XRRA1: variants seen among roughly 807,000 people sequenced by gnomAD.
XRRA1 encodes the protein X-ray radiation resistance associated 1.
XRRA1 carries 69 observed loss-of-function variants against 80.2 expected under a neutral mutation model. The observed-to-expected ratio is 0.86, with a 90% CI of 0.71 to 1.05. The LOEUF (loss-of-function observed/expected upper bound fraction) is 1.05, where lower values mean the gene tolerates loss of function less well. Among genes scored for constraint, XRRA1 ranks in the 50% least tolerant of loss-of-function variants. The pLI, the probability that XRRA1 is intolerant of heterozygous loss-of-function variation, is 0.00. For missense variants in XRRA1, 967 were observed against 976.4 expected (o/e 0.99, Z 0.13); for synonymous variants, 348 against 389.9 (o/e 0.89, Z 1.27).
At chr11:74,876,980 G>A (rs1192570569) in intron 10 of XRRA1, 4 of 152,166 alleles carry the variant, frequency 2.6e-5, no homozygotes, top group Non-Finnish European at 4.4e-5. Context: ...AATTCTTGGT[G>A]AGTAAAATTT....
At chr11:74,947,899 A>G (rs1387695813) in intron 1 of XRRA1, among the ~76,000 whole-genome samples, 1 of 151,960 alleles carries the variant, frequency 6.6e-6, no homozygotes, top group Non-Finnish European at 1.5e-5. Context: ...TCATTTTTGT[A>G]TTTTTAGTAG....
intron 10 of XRRA1, among the ~76,000 whole-genome samples, chr11:74,872,721 G>A (rs978908903): frequency 3.9e-5 from 6 of 152,134 alleles, no homozygotes; most frequent in African/African-American, 1.2e-4. Context: ...GTTGGGTCCT[G>A]GGGTTCAGAC....
chr11:74,905,582 G>A (rs1192009356), intron 10 of XRRA1, among the ~76,000 whole-genome samples: 1 of 152,138 alleles, frequency 6.6e-6, no homozygotes, highest in African/African-American at 2.4e-5. Flanking sequence ...TGCTTCCTGT[G>A]AATGCCACTG....
At chr11:74,883,658 C>G (rs1341646928) in intron 10 of XRRA1, among the ~76,000 whole-genome samples, 1 of 151,640 alleles carries the variant, frequency 6.6e-6, no homozygotes, top group Admixed American at 6.6e-5. Context: ...CATGGACATG[C>G]CTTTCTTCCA....
intron 10 of XRRA1, among the ~76,000 whole-genome samples, chr11:74,889,991 A>G (rs1364868522): frequency 6.6e-6 from 1 of 152,216 alleles, no homozygotes; most frequent in Non-Finnish European, 1.5e-5. Flanking sequence ...AAACAGATCA[A>G]TGAGACAGAA....
At chr11:74,901,827 T>C (rs957430698) in intron 10 of XRRA1, among the ~76,000 whole-genome samples, 3 of 152,178 alleles carry the variant, frequency 2.0e-5, no homozygotes, top group East Asian at 1.9e-4. Flanking sequence ...CAAGAAAACA[T>C]TGAGGAAACT....
intron 12 of XRRA1, among the ~76,000 whole-genome samples, chr11:74,857,561 G>A (rs764476608): frequency 9.2e-5 from 14 of 152,158 alleles, no homozygotes; most frequent in Non-Finnish European, 1.9e-4. Flanking sequence ...GTGATTGATA[G>A]AACAACTATA....
intron 8 of XRRA1, among the ~76,000 whole-genome samples, chr11:74,909,320 T>C (rs996905207): frequency 2.0e-5 from 3 of 152,226 alleles, no homozygotes; most frequent in Non-Finnish European, 2.9e-5. Flanking sequence ...CTTTCATACA[T>C]TGAATTTTTA....
intron 11 of XRRA1, among the ~76,000 whole-genome samples, chr11:74,861,544 C>T (rs900769877): frequency 6.9e-6 from 1 of 144,456 alleles, no homozygotes; most frequent in Non-Finnish European, 1.5e-5. Flanking sequence ...AAGCTCAAGG[C>T]TCCCACTGAT....
chr11:74,912,368 T>TTTTGGAAAGCCAAAGG (rs2056114703), intron 8 of XRRA1, among the ~76,000 whole-genome samples: 2 of 152,172 alleles, frequency 1.3e-5, no homozygotes, highest in Non-Finnish European at 2.9e-5. Flanking sequence ...AAGGGGTTCA[T>TTTTGGAAAGCCAAAGG]GCAACACTTT....
At chr11:74,871,856 C>T (rs2044857752) in intron 10 of XRRA1, among the ~76,000 whole-genome samples, 2 of 152,248 alleles carry the variant, frequency 1.3e-5, no homozygotes, top group South Asian at 4.1e-4. Flanking sequence ...CAAAATTTAA[C>T]TCAGGTGTTT....
At position 74,841,472 on chromosome 11, in the gene XRRA1, G is replaced by A. The variant is rs2036534169; in HGVS notation, c.*1728C>T. 1 of 152,128 alleles carries A rather than the reference G, an allele frequency of 6.6e-6. No individual in the cohort carries two copies. The highest frequency in any genetic ancestry group is 2.1e-4 in the South Asian group (1 of 4,830). The allele number at this position is 152,128 out of a possible 1,614,324, so 9.4% of individuals were successfully genotyped here. A position where few individuals can be genotyped will look rare whatever the true frequency, so the allele number is the denominator to read the frequency against. ...CACCAGTTTAGAGATCAGTCAAATT[G>A]GAAAAAGTGCCAAGACTGGATGTGC... On this transcript the variant is annotated 3_prime_UTR_variant, in exon 19 of 19. Coordinates refer to ENST00000684022, the MANE Select transcript of XRRA1 (RefSeq NM_001378157.1).
At chr11:74,880,776 G>C (rs1319375525) in intron 10 of XRRA1, among the ~76,000 whole-genome samples, 1 of 151,442 alleles carries the variant, frequency 6.6e-6, no homozygotes, top group Non-Finnish European at 1.5e-5. Flanking sequence ...GCGGTTTTGA[G>C]TGAGATTCTT....
At chr11:74,942,182 G>T (rs572989578) in intron 2 of XRRA1, among the ~76,000 whole-genome samples, 11 of 152,242 alleles carry the variant, frequency 7.2e-5, no homozygotes, top group African/African-American at 1.9e-4. Context: ...GGAGAACCGG[G>T]GGGTGGAGAG....
intron 2 of XRRA1, among the ~76,000 whole-genome samples, chr11:74,942,751 A>C (rs552513126): frequency 2.4e-4 from 36 of 152,352 alleles, no homozygotes; most frequent in Non-Finnish European, 4.1e-4. Flanking sequence ...CCTACTTCAT[A>C]GGGCTGTTTT....
At chr11:74,883,102 C>T (rs1331950336) in intron 10 of XRRA1, among the ~76,000 whole-genome samples, 2 of 152,190 alleles carry the variant, frequency 1.3e-5, no homozygotes, top group Non-Finnish European at 2.9e-5. Context: ...GGGCGCCCCT[C>T]CCCCAGCCTC....
chr11:74,862,259 G>C (rs2135955632), intron 11 of XRRA1, among the ~76,000 whole-genome samples: 1 of 151,886 alleles, frequency 6.6e-6, no homozygotes, highest in African/African-American at 2.4e-5. Flanking sequence ...GGAGCCAGTG[G>C]AATCACTTCG....
chr11:74,860,198 C>G (rs2135886306), intron 11 of XRRA1, among the ~76,000 whole-genome samples: 1 of 152,302 alleles, frequency 6.6e-6, no homozygotes, highest in East Asian at 1.9e-4. Flanking sequence ...CTTGTAAAAC[C>G]ACACAAGTGG....
intron 10 of XRRA1, among the ~76,000 whole-genome samples, chr11:74,893,942 C>G (rs1276839515): frequency 6.6e-6 from 1 of 152,188 alleles, no homozygotes; most frequent in African/African-American, 2.4e-5. Flanking sequence ...AAGATATATG[C>G]ACATGTATGT....
Sources: allele counts gnomAD v4.1 joint callset (sites outside exome capture counted in the v4.1 genomes callset), GRCh38; gene constraint gnomAD v4.1.1; transcripts MANE v1.5; gene names NCBI Gene and HGNC (gene_info 2026-07-23, HGNC 2026-07-21).